Variants in MAST4 observed in about 807,000 individuals in gnomAD.
MAST4 encodes microtubule associated serine/threonine kinase family member 4.
MAST4 carries 89 observed loss-of-function variants against 162.7 expected under a neutral mutation model. The observed-to-expected ratio is 0.55, with a 90% CI of 0.46 to 0.65. MAST4 has a LOEUF of 0.65. Ranked by LOEUF, MAST4 falls within the 30% of genes least tolerant of loss-of-function variation. The pLI, the probability that MAST4 is intolerant of heterozygous loss-of-function variation, is 0.00. For missense variants in MAST4, 3,153 were observed against 3,374.0 expected (o/e 0.93, Z 1.62); for synonymous variants, 1,479 against 1,361.1 (o/e 1.09, Z -1.91).
intron 4 of MAST4, among the ~76,000 whole-genome samples, chr5:66,997,815 C>T (rs1180524200): frequency 2.0e-5 from 3 of 152,120 alleles, no homozygotes; most frequent in Non-Finnish European, 4.4e-5. Context: ...TATGAATTAA[C>T]GTTTCTTTTA....
chr5:66,996,867 A>G (rs1373333028), intron 4 of MAST4, among the ~76,000 whole-genome samples: 5 of 152,220 alleles, frequency 3.3e-5, no homozygotes, highest in Non-Finnish European at 5.9e-5. Context: ...TCTTCTTGCT[A>G]TATAAGGTAA....
At chr5:66,926,358 A>G (rs1259290183) in intron 4 of MAST4, among the ~76,000 whole-genome samples, 2 of 152,108 alleles carry the variant, frequency 1.3e-5, no homozygotes, top group African/African-American at 4.8e-5. Flanking sequence ...GGCCAGCCTG[A>G]CAAATATGGT....
intron 3 of MAST4, among the ~76,000 whole-genome samples, chr5:66,839,431 C>G (rs1449380144): frequency 6.6e-6 from 1 of 152,160 alleles, no homozygotes; most frequent in African/African-American, 2.4e-5. Flanking sequence ...CTCCCAGACT[C>G]ATAGATTTCT....
chr5:67,042,035 C>T (rs1756804722), intron 4 of MAST4, among the ~76,000 whole-genome samples: 1 of 152,190 alleles, frequency 6.6e-6, no homozygotes, highest in African/African-American at 2.4e-5. Context: ...TATTTCATGG[C>T]TGCATTCTCT....
chr5:66,845,122 TATATAC>T (rs1164807745), intron 3 of MAST4, among the ~76,000 whole-genome samples: 1 of 106,356 alleles, frequency 9.4e-6, no homozygotes, highest in Admixed American at 8.7e-5. Context: ...TATATATATA[TATATAC>T]ACACACACAC....
intron 12 of MAST4, among the ~76,000 whole-genome samples, chr5:67,117,529 T>G (rs1441862926): frequency 2.0e-5 from 3 of 151,734 alleles, no homozygotes; most frequent in African/African-American, 7.2e-5. Flanking sequence ...ATTATTTAAT[T>G]TTAAATAAAA....
chr5:66,608,355 CTTTTTTTTTTTTT>C (rs72272071), intron 1 of MAST4, among the ~76,000 whole-genome samples: 44 of 44,418 alleles, frequency 9.9e-4, no homozygotes, highest in Admixed American at 2.7e-3. Flanking sequence ...TGTGCCTGGC[CTTTTTTTTTTTTT>C]TTTTTTTTTT....
chr5:67,122,560 T>C (rs1229235468), intron 14 of MAST4, among the ~76,000 whole-genome samples: 1 of 152,224 alleles, frequency 6.6e-6, no homozygotes, highest in Non-Finnish European at 1.5e-5. Context: ...GTTTGTTTTT[T>C]AGTTCTTTAC....
At chr5:66,749,872 A>C (rs557583890) in intron 1 of MAST4, among the ~76,000 whole-genome samples, 1 of 152,334 alleles carries the variant, frequency 6.6e-6, no homozygotes, top group African/African-American at 2.4e-5. Flanking sequence ...TAACTGTAGA[A>C]GCCTGTTCTA....
chr5:67,066,802 T>C (rs1235697583), intron 5 of MAST4, among the ~76,000 whole-genome samples: 1 of 152,234 alleles, frequency 6.6e-6, no homozygotes, highest in African/African-American at 2.4e-5. Flanking sequence ...TTCCATTATT[T>C]CCTTACTTAG....
intron 4 of MAST4, among the ~76,000 whole-genome samples, chr5:66,922,894 C>T (rs1191602241): frequency 6.6e-6 from 1 of 152,190 alleles, no homozygotes; most frequent in Non-Finnish European, 1.5e-5. Flanking sequence ...GGCACATGTT[C>T]CCCAACCTCC....
chr5:66,765,752 C>T (rs1320890133), intron 2 of MAST4, among the ~76,000 whole-genome samples: 1 of 152,122 alleles, frequency 6.6e-6, no homozygotes, highest in Non-Finnish European at 1.5e-5. Flanking sequence ...CATAATTTCA[C>T]TATGCATAGA....
intron 3 of MAST4, among the ~76,000 whole-genome samples, chr5:66,854,058 T>C (rs1245119496): frequency 1.3e-5 from 2 of 152,160 alleles, no homozygotes; most frequent in Non-Finnish European, 2.9e-5. Context: ...TTTATTTATT[T>C]ATTATTTTTA....
chr5:66,963,138 A>G (rs1183632474), intron 4 of MAST4, among the ~76,000 whole-genome samples: 1 of 152,210 alleles, frequency 6.6e-6, no homozygotes, highest in African/African-American at 2.4e-5. Context: ...ATAAAATAAT[A>G]TATAACTACA....
At chr5:66,649,005 A>G (rs1199201735) in intron 1 of MAST4, among the ~76,000 whole-genome samples, 2 of 152,298 alleles carry the variant, frequency 1.3e-5, no homozygotes, top group South Asian at 2.1e-4. Flanking sequence ...CTTCAGAAGT[A>G]TAAGTAATAG....
intron 1 of MAST4, among the ~76,000 whole-genome samples, chr5:66,698,654 C>A (rs987021227): frequency 6.6e-6 from 1 of 152,148 alleles, no homozygotes; most frequent in Non-Finnish European, 1.5e-5. Context: ...ACAGGAACTC[C>A]ATATTTATGA....
At position 67,133,416 on chromosome 5, in the gene MAST4, TTAAA is replaced by T. The variant is rs1769237552; in HGVS notation, c.2094-95_2094-92del. On this transcript the variant is annotated intron_variant, in intron 16 of 28. Transcript: ENST00000403625. The stretch of plus-strand genomic sequence containing the variant: ...TTGTAATAAGCTTGATGCCCATATA[TTAAA>T]TAGTCTTAGAAACTGAGGGGGGAAG... 4.4e-6 allele frequency: 6 copies of T among 1,352,856 alleles called. No homozygotes were observed. In the East Asian group the frequency reaches 1.4e-4, roughly 31 times the overall value. 83.8% of individuals were successfully genotyped at this position (1,352,856 alleles called of 1,614,324 possible). A position where few individuals can be genotyped will look rare whatever the true frequency, so the allele number is the denominator to read the frequency against.
At chr5:67,055,733 A>C (rs573697912) in intron 5 of MAST4, among the ~76,000 whole-genome samples, 8 of 152,300 alleles carry the variant, frequency 5.3e-5, no homozygotes, top group African/African-American at 1.9e-4. Context: ...AGATGAAGAC[A>C]AGTTCTAGAC....
intron 4 of MAST4, among the ~76,000 whole-genome samples, chr5:66,951,768 A>G (rs1047564923): frequency 3.3e-5 from 5 of 152,012 alleles, no homozygotes; most frequent in African/African-American, 1.2e-4. Flanking sequence ...TGTAGCTGTC[A>G]TGAATCCTTT....
Sources: gnomAD v4.1 joint callset for allele counts (sites outside exome capture counted in the v4.1 genomes callset) on GRCh38, gnomAD v4.1.1 for gene constraint, MANE v1.5 for transcripts, NCBI Gene and HGNC (gene_info 2026-07-23, HGNC 2026-07-21) for gene names.